Variants in ARHGEF18 observed in about 807,000 individuals in gnomAD.
The protein encoded by ARHGEF18 is rho guanine nucleotide exchange factor 18.
ARHGEF18 carries 93 observed loss-of-function variants against 155.7 expected under a neutral mutation model. The ratio of observed to expected loss-of-function variants is 0.60; its 90% confidence interval spans 0.50 to 0.71. ARHGEF18 has a LOEUF of 0.71. Ranked by LOEUF, ARHGEF18 falls within the 30% of genes least tolerant of loss-of-function variation. The probability of loss-of-function intolerance (pLI) is 0.00; values close to 1 mark genes in which losing one functional copy is unlikely to be tolerated. For synonymous variants in ARHGEF18, 742 were observed against 753.1 expected (o/e 0.99, Z 0.24); for missense variants, 1,593 against 1,816.1 (o/e 0.88, Z 2.23).
intron 10 of ARHGEF18, among the ~76,000 whole-genome samples, chr19:7,390,908 C>T (rs549548890): frequency 2.0e-5 from 3 of 152,124 alleles, no homozygotes; most frequent in East Asian, 1.9e-4. Flanking sequence ...GGTGTGGTGG[C>T]GCCTGCCTGT....
At chr19:7,385,888 CT>C (rs1971021407) in intron 10 of ARHGEF18, among the ~76,000 whole-genome samples, 1 of 64,562 alleles carries the variant, frequency 1.5e-5, no homozygotes, top group Non-Finnish European at 2.7e-5. Flanking sequence ...CCCTCTCTCC[CT>C]CCCTCCCTCT....
intron 10 of ARHGEF18, among the ~76,000 whole-genome samples, chr19:7,421,001 G>A (rs937725143): frequency 6.6e-6 from 1 of 152,134 alleles, no homozygotes; most frequent in Admixed American, 6.6e-5. Context: ...TGCAGTGATG[G>A]CTCACTGCCG....
At chr19:7,408,273 T>A (rs1018386954) in intron 10 of ARHGEF18, among the ~76,000 whole-genome samples, 2 of 152,002 alleles carry the variant, frequency 1.3e-5, no homozygotes, top group Admixed American at 1.3e-4. Context: ...TGAGACCCTG[T>A]TTCAAAAAAA....
At chr19:7,443,996 C>G (rs566930330) in intron 13 of ARHGEF18, among the ~76,000 whole-genome samples, 25 of 152,268 alleles carry the variant, frequency 1.6e-4, no homozygotes, top group Middle Eastern at 3.4e-3. Flanking sequence ...CCAGGGTTCT[C>G]TCCTTCCCCT....
chr19:7,436,007 G>T (rs1316283064), intron 10 of ARHGEF18, among the ~76,000 whole-genome samples: 1 of 151,418 alleles, frequency 6.6e-6, no homozygotes, highest in East Asian at 1.9e-4. Flanking sequence ...CTAATTTTTT[G>T]TTGTTGTTTT....
Position 7,462,219 on chromosome 19 carries a change from G to A in ARHGEF18, c.2520G>A (p.Glu840=), listed in dbSNP as rs767292719. ...SLLEKQQIYL[E]MAEMGGLEDL... ...TAGAGAAACAGCAGATCTACCTGGAGATGGCCGAGATGGGCGGCCTCGAAG... is the reference window on the plus strand; with the variant it reads ...TAGAGAAACAGCAGATCTACCTGGAAATGGCCGAGATGGGCGGCCTCGAAG... Residue 840 remains glutamate, a synonymous_variant, in exon 21 of 29, where the codon GAG becomes GAA. Transcript: ENST00000668164. The surrounding 1 kb of genome is among the most constrained non-coding windows in gnomAD (Gnocchi z 4.4). 3.7e-5 allele frequency: 60 copies of A among 1,613,894 alleles called. No homozygotes were observed. The highest frequency in any genetic ancestry group is 4.7e-5 in the Non-Finnish European group (55 of 1,180,046).
intron 23 of ARHGEF18, 25 bp from the exon 24 acceptor site, chr19:7,466,893 T>C: frequency 6.2e-7 from 1 of 1,611,310 alleles, no homozygotes; most frequent in African/African-American, 1.3e-5. Context: ...CCACTCTCTC[T>C]GGTTTGACGG....
In ARHGEF18 at chr19:7,470,194, G is replaced by T. The variant is rs143702386; in HGVS notation, c.3982G>T (p.Gly1328Trp). ...SPSEGFSLKAGGTALLPGPPA... is the reference protein window; with the variant it reads ...SPSEGFSLKAWGTALLPGPPA... ...CTCCGAGGGCTTCTCTCTCAAGGCC[G>T]GGGGCACAGCCCTCCTGCCCGGGCC... The change falls in exon 29 of 29, where the codon GGG becomes TGG. Residue 1328 changes from glycine (G) to tryptophan (W), a missense_variant. Transcript: ENST00000668164. The surrounding 1 kb of genome is among the most constrained non-coding windows in gnomAD (Gnocchi z 5.9). 1.2e-6 allele frequency: 2 copies of T among 1,611,376 alleles called. No homozygotes were observed. The highest frequency in any genetic ancestry group is 2.7e-5 in the African/African-American group (2 of 74,970).
At chr19:7,364,168 G>A (rs1305527437) in intron 2 of ARHGEF18, among the ~76,000 whole-genome samples, 2 of 150,970 alleles carry the variant, frequency 1.3e-5, no homozygotes, top group Non-Finnish European at 3.0e-5. Flanking sequence ...GATAACGGAT[G>A]GGTGAATGGA....
At chr19:7,475,372 T>C (rs1488219101), downstream of ARHGEF18, among the ~76,000 whole-genome samples, 2 of 152,114 alleles carry the variant, frequency 1.3e-5, no homozygotes, top group African/African-American at 4.8e-5. Context: ...GGGTAACAGC[T>C]GAGGGGTGTG....
the ARHGEF18 span, among the ~76,000 whole-genome samples, chr19:7,478,128 C>T: frequency 2.0e-5 from 3 of 152,242 alleles, no homozygotes; most frequent in East Asian, 1.9e-4. Flanking sequence ...CTGGAGTCCC[C>T]GCTCAAGCAA....
chr19:7,452,336 TC>T lies in ARHGEF18; in HGVS notation c.1855+1071del, dbSNP rs1292450961. 7.9e-5 allele frequency among the ~76,000 whole-genome samples: 12 copies of T among 152,316 alleles called. No homozygotes were observed. In the South Asian group the frequency reaches 2.5e-3, roughly 32 times the overall value. On this transcript the variant is annotated intron_variant, in intron 16 of 28. Coordinates refer to ENST00000668164, the MANE Select transcript of ARHGEF18 (RefSeq NM_001367823.1). The stretch of plus-strand genomic sequence containing the variant: ...GCCAGGGCCGTGCTGACCACAGCTC[TC>T]GCTTCACCACTGAATTCAGGCCGTG...
chr19:7,453,483 T>C lies in ARHGEF18; in HGVS notation c.1872T>C (p.Tyr624=). ...IQNTEAGTED[Y]EDLTQALNLI... Reference sequence around the variant, plus strand: ...GTGTGGCAGCTGGCACTGAGGACTATGAAGACCTGACCCAGGCCTTGAACC... The same window carrying C: ...GTGTGGCAGCTGGCACTGAGGACTACGAAGACCTGACCCAGGCCTTGAACC... The change falls in exon 17 of 29, where the codon TAT becomes TAC. Residue 624 remains tyrosine (Y), a synonymous_variant. Coordinates refer to ENST00000668164, the MANE Select transcript of ARHGEF18 (RefSeq NM_001367823.1). The C allele has an allele frequency of 6.2e-7, 1 of 1,608,930 alleles. No individual in the cohort carries two copies. Among genetic ancestry groups the C allele is most frequent in the Non-Finnish European group, 8.5e-7 (1 of 1,176,480 alleles).
chr19:7,437,576 C>G (rs1239224824), intron 10 of ARHGEF18, among the ~76,000 whole-genome samples: 4 of 152,014 alleles, frequency 2.6e-5, no homozygotes, highest in African/African-American at 9.7e-5. Context: ...CTTCCTGTAA[C>G]ATAGACAAGG....
At chr19:7,445,604 G>T (rs900323069) in intron 14 of ARHGEF18, among the ~76,000 whole-genome samples, 3 of 152,020 alleles carry the variant, frequency 2.0e-5, no homozygotes, top group Non-Finnish European at 2.9e-5. Context: ...CTAATTAGAA[G>T]AACACTCCTT....
intron 3 of ARHGEF18, 57 bp from the exon 4 acceptor site, chr19:7,375,663 G>T (rs1970429292): frequency 8.1e-7 from 1 of 1,231,544 alleles, no homozygotes; most frequent in Non-Finnish European, 1.0e-6. Context: ...GATGCCTGGG[G>T]CAGCAGCCAG....
At chr19:7,465,279 T>G (rs1976542072) in intron 23 of ARHGEF18, among the ~76,000 whole-genome samples, 1 of 152,166 alleles carries the variant, frequency 6.6e-6, no homozygotes, top group Non-Finnish European at 1.5e-5. Context: ...GTGTTCCCAG[T>G]CATGACCCGG....
intron 27 of ARHGEF18, 73 bp downstream of exon 27, chr19:7,469,204 C>A: frequency 1.4e-6 from 2 of 1,455,802 alleles, no homozygotes; most frequent in Non-Finnish European, 9.1e-7. Flanking sequence ...CGCTGGGAGC[C>A]AGGAAATTCG....
In ARHGEF18 at chr19:7,397,411, A is replaced by ACGCG. The variant is rs543021793; in HGVS notation, c.967+14210_967+14213dup. On this transcript the variant is annotated intron_variant, in intron 10 of 28. Coordinates refer to ENST00000668164, the MANE Select transcript of ARHGEF18 (RefSeq NM_001367823.1). ...CTCCCAAGTAGCTGGGACTACAGAC[A>ACGCG]CGCGCTTCCATGTCTGGCTAATTTT... Among the ~76,000 whole-genome samples the ACGCG allele has an allele frequency of 3.4e-3, 517 of 151,994 alleles. 2 individuals carry two copies. The highest frequency in any genetic ancestry group is 0.012 in the African/African-American group (492 of 41,462).
Sources: allele counts gnomAD v4.1 joint callset (sites outside exome capture counted in the v4.1 genomes callset), GRCh38; gene constraint gnomAD v4.1.1; non-coding constraint Gnocchi (gnomAD v3.1); transcripts MANE v1.5; gene names NCBI Gene and HGNC (gene_info 2026-07-23, HGNC 2026-07-21).